Variants in BAZ2B observed in about 807,000 individuals in gnomAD.
BAZ2B encodes the protein bromodomain adjacent to zinc finger domain 2B, also known as bromodomain adjacent to zinc finger domain protein 2B.
In BAZ2B, 91 loss-of-function variants were observed where a neutral mutation model predicts 246.0. The ratio of observed to expected loss-of-function variants is 0.37; its 90% CI spans 0.31 to 0.44. The LOEUF (loss-of-function observed/expected upper bound fraction) is 0.44, where lower values mean the gene tolerates loss of function less well. Ranked by LOEUF, BAZ2B falls within the 20% of genes least tolerant of loss-of-function variation. The pLI, the probability that BAZ2B is intolerant of heterozygous loss-of-function variation, is 1.00. For synonymous variants in BAZ2B, 855 were observed against 860.0 expected, an observed-to-expected ratio of 0.99 and a Z score of 0.10; for missense variants, 2,332 against 2,533.7, an observed-to-expected ratio of 0.92 and a Z score of 1.71.
At chr2:159,414,901 T>C (rs1452176680) in intron 13 of BAZ2B, among the ~76,000 whole-genome samples, 1 of 152,056 alleles carries the variant, frequency 6.6e-6, no homozygotes, top group Non-Finnish European at 1.5e-5. Flanking sequence ...AAAGAAATTA[T>C]ATATTAAAAG....
chr2:159,572,025 T>C (rs1347817701), intron 1 of BAZ2B, among the ~76,000 whole-genome samples: 1 of 152,156 alleles, frequency 6.6e-6, no homozygotes, highest in Non-Finnish European at 1.5e-5. Context: ...CAGCACCAGT[T>C]TTCATCAAGC....
chr2:159,654,149 A>G, the BAZ2B span, among the ~76,000 whole-genome samples: 3 of 152,186 alleles, frequency 2.0e-5, no homozygotes, highest in Admixed American at 6.6e-5. Context: ...AACTCTCATT[A>G]CATGTTGTAA....
intron 2 of BAZ2B, among the ~76,000 whole-genome samples, chr2:159,524,599 G>A (rs1203835018): frequency 6.6e-6 from 1 of 152,100 alleles, no homozygotes; most frequent in African/African-American, 2.4e-5. Context: ...GAGAAAAGGG[G>A]ATTACTTAAG....
At chr2:159,597,451 G>C (rs1331085784) in intron 1 of BAZ2B, among the ~76,000 whole-genome samples, 12 of 152,276 alleles carry the variant, frequency 7.9e-5, no homozygotes, top group African/African-American at 2.6e-4. Flanking sequence ...CTTATGTTGA[G>C]TTCATTATGT....
At chr2:159,710,407 A>C in the BAZ2B span, among the ~76,000 whole-genome samples, 2 of 152,052 alleles carry the variant, frequency 1.3e-5, no homozygotes, top group South Asian at 4.1e-4. Flanking sequence ...ACAGGGTTTC[A>C]CTGTGTTAGC....
chr2:159,402,625 G>T (rs1378122052), intron 16 of BAZ2B, among the ~76,000 whole-genome samples: 1 of 152,080 alleles, frequency 6.6e-6, no homozygotes, highest in East Asian at 1.9e-4. Context: ...TTCTGCTCTT[G>T]TCAATTATAA....
intron 4 of BAZ2B, among the ~76,000 whole-genome samples, chr2:159,449,202 A>C (rs1285118959): frequency 6.6e-6 from 1 of 152,180 alleles, no homozygotes; most frequent in Non-Finnish European, 1.5e-5. Flanking sequence ...AAGTTTTAGA[A>C]AAGGAAATAA....
At chr2:159,587,157 C>T (rs1419579725) in intron 1 of BAZ2B, among the ~76,000 whole-genome samples, 1 of 151,810 alleles carries the variant, frequency 6.6e-6, no homozygotes, top group African/African-American at 2.4e-5. Context: ...CGGCTCACTG[C>T]AAGCTCCACC....
chr2:159,463,653 T>C (rs1263156108), intron 3 of BAZ2B: 1 of 152,242 alleles, frequency 6.6e-6, no homozygotes, highest in Non-Finnish European at 1.5e-5. Context: ...TTTTTTCATA[T>C]ATCTGCTGGC....
the BAZ2B span, among the ~76,000 whole-genome samples, chr2:159,648,113 CT>C: frequency 6.6e-6 from 1 of 151,918 alleles, no homozygotes; most frequent in African/African-American, 2.4e-5. Flanking sequence ...CTCTTGCCCT[CT>C]CCCACTATTT....
At chr2:159,625,254 C>T in the BAZ2B span, among the ~76,000 whole-genome samples, 1 of 152,152 alleles carries the variant, frequency 6.6e-6, no homozygotes, top group Non-Finnish European at 1.5e-5. Context: ...GGAAAACACT[C>T]CTCAGGATAT....
intron 3 of BAZ2B, chr2:159,462,584 G>A: frequency 1.1e-6 from 1 of 872,202 alleles, no homozygotes; most frequent in Non-Finnish European, 2.0e-6. Flanking sequence ...CTCCTTGGCA[G>A]TTTGTGCGTC....
chr2:159,652,620 T>A, the BAZ2B span, among the ~76,000 whole-genome samples: 3 of 152,026 alleles, frequency 2.0e-5, no homozygotes, highest in African/African-American at 7.2e-5. Flanking sequence ...CAAGAAATAT[T>A]TTTTTTTGAG....
At chr2:159,550,106 C>T (rs2087965931) in intron 2 of BAZ2B, among the ~76,000 whole-genome samples, 2 of 151,994 alleles carry the variant, frequency 1.3e-5, no homozygotes, top group South Asian at 4.1e-4. Flanking sequence ...CTCCCAAAGT[C>T]CTGGGATTAA....
intron 4 of BAZ2B, among the ~76,000 whole-genome samples, chr2:159,451,361 C>T (rs1173779768): frequency 6.6e-6 from 1 of 152,118 alleles, no homozygotes; most frequent in Non-Finnish European, 1.5e-5. Context: ...TCATTAAAAA[C>T]TCCTAGTAAT....
At chr2:159,463,229 C>T (rs1479119940) in intron 3 of BAZ2B, 1 of 469,342 alleles carries the variant, frequency 2.1e-6, no homozygotes, top group African/African-American at 2.0e-5. Flanking sequence ...TTCTCCTTAT[C>T]CAACACACAA....
chr2:159,478,486 T>C, intron 3 of BAZ2B, 89 bp downstream of exon 3: 1 of 1,378,206 alleles, frequency 7.3e-7, no homozygotes, highest in East Asian at 2.5e-5. Context: ...ATGCAAGTCA[T>C]GAGAATATTT....
chr2:159,426,937 G>T (rs1397848555), intron 13 of BAZ2B, among the ~76,000 whole-genome samples: 1 of 152,094 alleles, frequency 6.6e-6, no homozygotes, highest in African/African-American at 2.4e-5. Context: ...ATTATAATGG[G>T]ACAGAAGAGA....
At chr2:159,337,921 G>A in intron 31 of BAZ2B, 149 bp from the exon 32 acceptor site, 4 of 675,470 alleles carry the variant, frequency 5.9e-6, no homozygotes, top group Admixed American at 3.5e-5. Flanking sequence ...AAACTAGGTG[G>A]AAATAAGAAG....
Sources: allele counts gnomAD v4.1 joint callset (sites outside exome capture counted in the v4.1 genomes callset), GRCh38; gene constraint gnomAD v4.1.1; transcripts MANE v1.5; gene names NCBI Gene and HGNC (gene_info 2026-07-23, HGNC 2026-07-21).